The following MACROD2 variants were observed in gnomAD, a reference collection of about 807,000 sequenced individuals.
MACROD2 encodes the protein mono-ADP ribosylhydrolase 2.
Under a neutral mutation model 70.4 loss-of-function variants are expected in MACROD2, and 36 were observed. The ratio of observed to expected loss-of-function variants is 0.51; its 90% CI spans 0.39 to 0.68. The LOEUF is 0.68. Among genes scored for constraint, MACROD2 ranks in the 30% least tolerant of loss-of-function variants. MACROD2 has a pLI of 0.00. For missense variants in MACROD2, 496 were observed against 538.4 expected (o/e 0.92, Z 0.78); for synonymous variants, 172 against 178.8 (o/e 0.96, Z 0.30).
At chr20:15,368,583 T>A (rs1332515628) in intron 6 of MACROD2, among the ~76,000 whole-genome samples, 1 of 151,288 alleles carries the variant, frequency 6.6e-6, no homozygotes, top group African/African-American at 2.4e-5. Flanking sequence ...TGCCTTAGCC[T>A]CCGGAGTAGC....
chr20:15,323,951 A>G (rs1033637541), intron 6 of MACROD2, among the ~76,000 whole-genome samples: 4 of 152,108 alleles, frequency 2.6e-5, no homozygotes, highest in African/African-American at 9.7e-5. Context: ...TATTTTAAAT[A>G]ATACATGAAT....
intron 3 of MACROD2, among the ~76,000 whole-genome samples, chr20:14,357,157 A>C (rs1444238906): frequency 6.6e-6 from 1 of 152,182 alleles, no homozygotes; most frequent in East Asian, 1.9e-4. Flanking sequence ...TTGTAAGAAG[A>C]GTATGAGTGG....
chr20:14,857,307 G>A (rs1029914312), intron 5 of MACROD2, among the ~76,000 whole-genome samples: 1 of 152,144 alleles, frequency 6.6e-6, no homozygotes, highest in African/African-American at 2.4e-5. Flanking sequence ...ACTACTTCCT[G>A]CACACACAGG....
chr20:15,521,403 A>C (rs1041137862), intron 8 of MACROD2, among the ~76,000 whole-genome samples: 4 of 152,242 alleles, frequency 2.6e-5, no homozygotes, highest in Non-Finnish European at 2.9e-5. Flanking sequence ...ATTTAAAGCT[A>C]CTAGGAAGAA....
At chr20:14,969,682 G>A (rs1417270236) in intron 5 of MACROD2, among the ~76,000 whole-genome samples, 1 of 148,566 alleles carries the variant, frequency 6.7e-6, no homozygotes, top group African/African-American at 2.5e-5. Context: ...ACTTGGCCTG[G>A]TAAAAGCTGC....
At chr20:14,904,506 G>A (rs56082630) in intron 5 of MACROD2, among the ~76,000 whole-genome samples, 43,490 of 152,024 alleles carry the variant, frequency 0.29, 6,880 homozygotes, top group East Asian at 0.51. Flanking sequence ...ACATTAGTGT[G>A]TATACATGTC....
At chr20:15,357,768 T>G (rs1239143553) in intron 6 of MACROD2, among the ~76,000 whole-genome samples, 4 of 151,736 alleles carry the variant, frequency 2.6e-5, no homozygotes, top group Non-Finnish European at 5.9e-5. Context: ...AAGGTAAAAA[T>G]GATGACCACA....
At position 15,494,337 on chromosome 20, in the gene MACROD2, C is replaced by T. The variant is rs74179774; in HGVS notation, c.572-5437C>T. Among the ~76,000 whole-genome samples, 775 of 152,108 alleles carry T rather than the reference C, an allele frequency of 5.1e-3. 4 individuals are homozygous for T. Among genetic ancestry groups the T allele is most frequent in the Non-Finnish European group, 7.7e-3 (521 of 68,008 alleles). The stretch of plus-strand genomic sequence containing the variant: ...CCCTTCCTCCTGGATATATACTCAA[C>T]AGAAACACATGCTTATGTCCACCAA... On this transcript the variant is annotated intron_variant, in intron 7 of 17. Transcript: ENST00000684519.
At chr20:14,973,887 T>C (rs956161630) in intron 5 of MACROD2, among the ~76,000 whole-genome samples, 5 of 152,154 alleles carry the variant, frequency 3.3e-5, no homozygotes, top group African/African-American at 9.7e-5. Flanking sequence ...AGTTACTACC[T>C]TATGAAAGGT....
At chr20:14,156,322 T>C (rs2055102814) in intron 3 of MACROD2, among the ~76,000 whole-genome samples, 1 of 152,206 alleles carries the variant, frequency 6.6e-6, no homozygotes, top group South Asian at 2.1e-4. Context: ...TTTTAAGGAA[T>C]GTATTGTCCC....
intron 6 of MACROD2, among the ~76,000 whole-genome samples, chr20:15,282,995 CCTT>C (rs1035356178): frequency 6.6e-6 from 1 of 152,172 alleles, no homozygotes; most frequent in Non-Finnish European, 1.5e-5. Flanking sequence ...GAAGCAGACA[CCTT>C]CTTCACAGGG....
chr20:15,977,587 C>T (rs1300978240), intron 13 of MACROD2, among the ~76,000 whole-genome samples: 1 of 152,158 alleles, frequency 6.6e-6, no homozygotes, highest in Non-Finnish European at 1.5e-5. Context: ...TACTCTAATA[C>T]AGGTCCAATT....
At chr20:15,206,119 A>T (rs2076699646) in intron 5 of MACROD2, among the ~76,000 whole-genome samples, 1 of 152,230 alleles carries the variant, frequency 6.6e-6, no homozygotes, top group African/African-American at 2.4e-5. Context: ...CATTTTCTAC[A>T]GATCAAATGT....
chr20:15,967,388 GA>G (rs371470206), intron 12 of MACROD2, among the ~76,000 whole-genome samples, 164 bp from the exon 13 acceptor site: 1,782 of 152,024 alleles, frequency 0.012, 36 homozygotes, highest in African/African-American at 0.039. Context: ...AGTATGGGGG[GA>G]AAAAAAGCGC....
chr20:14,325,488 G>T, intron 3 of MACROD2: 4 of 1,481,986 alleles, frequency 2.7e-6, no homozygotes, highest in Non-Finnish European at 3.6e-6. Context: ...CAGTAGAACA[G>T]GGTTCCTACC....
At chr20:15,152,380 T>C (rs2076276501) in intron 5 of MACROD2, among the ~76,000 whole-genome samples, 1 of 151,430 alleles carries the variant, frequency 6.6e-6, no homozygotes, top group South Asian at 2.1e-4. Context: ...GTGGGGGTTC[T>C]TGCCCTCCAG....
chr20:14,513,145 T>G (rs2085049525), intron 4 of MACROD2, among the ~76,000 whole-genome samples: 1 of 152,142 alleles, frequency 6.6e-6, no homozygotes, highest in African/African-American at 2.4e-5. Context: ...GGTCTCTTAT[T>G]TGTTGACTGT....
intron 15 of MACROD2, among the ~76,000 whole-genome samples, chr20:15,994,019 A>G (rs2066594886): frequency 6.6e-6 from 1 of 152,188 alleles, no homozygotes; most frequent in Non-Finnish European, 1.5e-5. Flanking sequence ...TCCATTGTCA[A>G]GTCTTAGACA....
At chr20:15,969,127 T>C (rs1601239228) in intron 13 of MACROD2, among the ~76,000 whole-genome samples, 1 of 152,030 alleles carries the variant, frequency 6.6e-6, no homozygotes, top group South Asian at 2.1e-4. Context: ...AGATTGGCGG[T>C]GGACTGCTTC....
Sources: allele counts gnomAD v4.1 joint callset (sites outside exome capture counted in the v4.1 genomes callset), GRCh38; gene constraint gnomAD v4.1.1; transcripts MANE v1.5; gene names NCBI Gene and HGNC (gene_info 2026-07-23, HGNC 2026-07-21).